Variants in NRXN3 observed in about 807,000 individuals in gnomAD.
NRXN3 encodes neurexin III.
Under a neutral mutation model 137.6 loss-of-function variants are expected in NRXN3, and 32 were observed. That is an observed-to-expected ratio of 0.23 (90% CI 0.18 to 0.31). The LOEUF (loss-of-function observed/expected upper bound fraction) is 0.31. Among genes scored for constraint, NRXN3 ranks in the 10% least tolerant of loss-of-function variants. NRXN3 has a pLI of 1.00. For synonymous variants in NRXN3, 798 were observed against 784.5 expected (o/e 1.02, Z -0.29); for missense variants, 1,574 against 2,062.5 (o/e 0.76, Z 4.59).
chr14:78,356,760 T>A (rs771544334), intron 4 of NRXN3, among the ~76,000 whole-genome samples: 45 of 152,392 alleles, frequency 3.0e-4, no homozygotes, highest in Non-Finnish European at 5.7e-4. Context: ...TTTCATTATA[T>A]GCCAGTTTAA....
chr14:79,458,145 C>A, intron 15 of NRXN3, among the ~76,000 whole-genome samples: 1 of 152,094 alleles, frequency 6.6e-6, no homozygotes, highest in East Asian at 1.9e-4. Flanking sequence ...ATCTGAGATG[C>A]ACTTATCTAT....
intron 6 of NRXN3, chr14:78,708,602 A>G (rs940668203): frequency 6.6e-6 from 1 of 152,222 alleles, no homozygotes; most frequent in African/African-American, 2.4e-5. Context: ...TATACTCCCC[A>G]ATGACAATTT....
intron 10 of NRXN3, among the ~76,000 whole-genome samples, chr14:78,914,535 A>T (rs796074488): frequency 2.8e-4 from 42 of 152,260 alleles, no homozygotes; most frequent in African/African-American, 9.6e-4. Flanking sequence ...GCATTTGAGG[A>T]AAGATGGGTA....
intron 20 of NRXN3, among the ~76,000 whole-genome samples, chr14:79,848,437 T>C (rs2099384898): frequency 6.6e-6 from 1 of 152,064 alleles, no homozygotes; most frequent in Non-Finnish European, 1.5e-5. Flanking sequence ...TCTTAAAACA[T>C]TGAGTTTTTG....
At chr14:79,851,984 A>G (rs541524279) in intron 20 of NRXN3, among the ~76,000 whole-genome samples, 29 of 152,022 alleles carry the variant, frequency 1.9e-4, no homozygotes, top group African/African-American at 7.0e-4. Context: ...TTACAAAAAA[A>G]AAATTGGCTA....
At chr14:78,440,924 A>G (rs2094223102) in intron 4 of NRXN3, among the ~76,000 whole-genome samples, 1 of 152,130 alleles carries the variant, frequency 6.6e-6, no homozygotes, top group Non-Finnish European at 1.5e-5. Context: ...TTAAATTTCA[A>G]TTAACTGGGT....
rs769489561 is a variant in NRXN3, at chr14:78,988,039, C to A, written c.3160C>A (p.Gln1054Lys). 4 of 1,613,720 alleles carry A rather than the reference C, an allele frequency of 2.5e-6. No individual in the cohort carries two copies. Among genetic ancestry groups the A allele is most frequent in the Non-Finnish European group, 3.4e-6 (4 of 1,179,848 alleles). The change falls in exon 15 of 21, where the codon CAG becomes AAG. Residue 1054 changes from glutamine to lysine, a missense_variant. Coordinates refer to ENST00000335750, the MANE Select transcript of NRXN3 (RefSeq NM_001330195.2). The part of the protein sequence containing the change: ...RGCEGPSTTC[Q>K]EDSCANQGVC... The stretch of plus-strand genomic sequence containing the variant: ...ATTACTAGGACCCAGTACCACCTGC[C>A]AGGAAGATTCATGTGCCAACCAGGG...
At chr14:79,567,967 C>T (rs1006476172) in intron 16 of NRXN3, among the ~76,000 whole-genome samples, 3 of 152,080 alleles carry the variant, frequency 2.0e-5, no homozygotes, top group African/African-American at 7.2e-5. Context: ...TAAGTAGATC[C>T]CTCTAAGGAT....
chr14:78,918,317 A>C (rs2099262179), intron 10 of NRXN3, among the ~76,000 whole-genome samples: 1 of 148,866 alleles, frequency 6.7e-6, no homozygotes, highest in Non-Finnish European at 1.5e-5. Flanking sequence ...AGAGAGAGAG[A>C]GAGAAAAGAA....
At chr14:78,456,839 TTCTTTCTTTCTTTC>T (rs2094732534) in intron 4 of NRXN3, among the ~76,000 whole-genome samples, 1 of 131,880 alleles carries the variant, frequency 7.6e-6, no homozygotes, top group Non-Finnish European at 1.7e-5. Flanking sequence ...CTTTCTTTCT[TTCTTTCTTTCTTTC>T]TTTTTCTCTT....
chr14:78,246,675 C>T (rs997589114), intron 2 of NRXN3, among the ~76,000 whole-genome samples: 6 of 152,124 alleles, frequency 3.9e-5, no homozygotes, highest in East Asian at 1.9e-4. Flanking sequence ...AGAAAATAAC[C>T]GTTGCCTCCA....
intron 17 of NRXN3, among the ~76,000 whole-genome samples, chr14:79,689,783 A>C (rs1488089357): frequency 6.6e-6 from 1 of 152,002 alleles, no homozygotes; most frequent in Non-Finnish European, 1.5e-5. Context: ...CGTTTGAAAG[A>C]GAGTAGATGA....
At chr14:78,789,033 C>T (rs2098797589) in intron 8 of NRXN3, among the ~76,000 whole-genome samples, 1 of 152,144 alleles carries the variant, frequency 6.6e-6, no homozygotes, top group Non-Finnish European at 1.5e-5. Flanking sequence ...CAGAAACATA[C>T]CACTGTCATT....
chr14:78,804,928 A>G (rs2098852252), intron 9 of NRXN3, among the ~76,000 whole-genome samples: 1 of 152,214 alleles, frequency 6.6e-6, no homozygotes, highest in Non-Finnish European at 1.5e-5. Flanking sequence ...GATACCTTAT[A>G]AAGATTTCAG....
intron 7 of NRXN3, among the ~76,000 whole-genome samples, chr14:78,714,189 G>C (rs966772372): frequency 1.3e-5 from 2 of 152,232 alleles, no homozygotes; most frequent in Non-Finnish European, 2.9e-5. Flanking sequence ...TGCATGGAGA[G>C]AGAGACAGAA....
At chr14:79,476,953 A>G (rs1473612283) in intron 16 of NRXN3, among the ~76,000 whole-genome samples, 1 of 152,126 alleles carries the variant, frequency 6.6e-6, no homozygotes, top group Non-Finnish European at 1.5e-5. Context: ...TTTTAACTCA[A>G]TTCATACTTA....
intron 1 of NRXN3, among the ~76,000 whole-genome samples, chr14:78,189,392 A>C (rs2060511289): frequency 6.6e-6 from 1 of 152,060 alleles, no homozygotes; most frequent in African/African-American, 2.4e-5. Context: ...ACTCTGAGTA[A>C]GCCCCAAGGT....
chr14:78,788,945 C>G (rs1235318353), intron 8 of NRXN3, among the ~76,000 whole-genome samples: 4 of 152,266 alleles, frequency 2.6e-5, no homozygotes, highest in African/African-American at 9.6e-5. Context: ...AGCAATGATT[C>G]TGAATGGGAG....
rs117099787 is a variant in NRXN3 at position 79,827,651 on chromosome 14, T to C, written c.4093+22461T>C. ...GTGAAGGGGGAACAGGTATGTCATA[T>C]GGCCAGAGCAGGAACAAGCAGGGGT... On this transcript the variant is annotated intron_variant, in intron 20 of 20. Transcript: ENST00000335750. Among the ~76,000 whole-genome samples the C allele has an allele frequency of 5.5e-3, 829 of 151,206 alleles. 4 individuals carry two copies. Among genetic ancestry groups the C allele is most frequent in the Non-Finnish European group, 9.8e-3 (667 of 67,880 alleles).
Sources: allele counts gnomAD v4.1 joint callset (sites outside exome capture counted in the v4.1 genomes callset), GRCh38; gene constraint gnomAD v4.1.1; transcripts MANE v1.5; gene names NCBI Gene and HGNC (gene_info 2026-07-23, HGNC 2026-07-21).